EVI5L: variants seen among roughly 807,000 people sequenced by gnomAD.
EVI5L encodes the protein EVI5-like protein.
In EVI5L, 30 loss-of-function variants were observed where a neutral mutation model predicts 106.1. That is an observed-to-expected ratio of 0.28 (90% CI 0.21 to 0.38). EVI5L has a LOEUF of 0.38. EVI5L is among the 10% of genes least tolerant of loss of function. The pLI, the probability that EVI5L is intolerant of heterozygous loss-of-function variation, is 1.00. For missense variants in EVI5L, 809 were observed against 1,098.0 expected (o/e 0.74, Z 3.72); for synonymous variants, 489 against 483.3 (o/e 1.01, Z -0.15).
Position 7,845,954 on chromosome 19 carries a change from C to T in EVI5L, c.-47-542C>T, listed in dbSNP as rs994977693. The stretch of plus-strand genomic sequence containing the variant: ...TCTTCTGGCCATTGGCAGCGCCAGA[C>T]AATTAACAGTCGAAAGTAATTGCTC... On this transcript the variant is annotated intron_variant, in intron 1 of 19. Coordinates refer to ENST00000538904, the MANE Select transcript of EVI5L (RefSeq NM_001159944.3). The surrounding 1 kb of genome is among the most constrained non-coding windows in gnomAD (Gnocchi z 4.0). Among the ~76,000 whole-genome samples the T allele has an allele frequency of 6.6e-6, 1 of 152,240 alleles. No individual in the cohort carries two copies. Among genetic ancestry groups the T allele is most frequent in the Admixed American group, 6.5e-5 (1 of 15,280 alleles).
At position 7,848,970 on chromosome 19, in the gene EVI5L, A is replaced by C; in HGVS notation, c.377A>C (p.Gln126Pro). The C allele has an allele frequency of 6.2e-7, 1 of 1,613,324 alleles. No individual in the cohort carries two copies. Among genetic ancestry groups the C allele is most frequent in the Non-Finnish European group, 8.5e-7 (1 of 1,179,854 alleles). Residue 126 changes from glutamine to proline, a missense_variant, in exon 4 of 20, where the codon CAG (glutamine) becomes CCG (proline). Physicochemically the swap from Gln to Pro is moderately conservative, Grantham distance 76 (BLOSUM62 -1). Transcript: ENST00000538904. The surrounding 1 kb of genome is among the most constrained non-coding windows in gnomAD (Gnocchi z 4.8). Reference protein sequence around the residue: ...IPHHFRAIVWQLLCSATDMPV... With the variant: ...IPHHFRAIVWPLLCSATDMPV... ...CACCACTTCCGGGCCATCGTGTGGC[A>C]GCTTCTGTGCAGCGCCACGGACATG...
chr19:7,851,616 T>C (rs369923807), intron 7 of EVI5L, 39 bp downstream of exon 7: 28 of 1,599,444 alleles, frequency 1.8e-5, no homozygotes, highest in Non-Finnish European at 2.2e-5. Flanking sequence ...AGAGAGCCCC[T>C]TGGGGGTGGT....
At position 7,849,386 on chromosome 19, in the gene EVI5L, G is replaced by A. The variant is rs979072993; in HGVS notation, c.627+56G>A. 32 of 1,586,938 alleles carry A rather than the reference G, an allele frequency of 2.0e-5. No homozygotes were observed. The East Asian group carries it at 6.0e-4, about 30-fold the overall frequency. ...CCAGACAACAGCCCACCCTGGGCTC[G>A]GCCCCCAAGAGATGGACAGAAGTGG... On this transcript the variant is annotated intron_variant, in intron 5 of 19. Transcript: ENST00000538904.
In EVI5L at chr19:7,849,310, G is replaced by T. The variant is rs761500327; in HGVS notation, c.607G>T (p.Val203Leu). ...VGYCQGSAFI[V>L]GLLLMQMPEE... ...CTACTGCCAGGGAAGCGCCTTCATC[G>T]TGGGCCTGCTCCTCATGCAGGTAGG... The change falls in exon 5 of 20, where the codon GTG becomes TTG. Residue 203 changes from valine to leucine, a missense_variant. Val to Leu is a conservative substitution (Grantham distance 32). Coordinates refer to ENST00000538904, the MANE Select transcript of EVI5L (RefSeq NM_001159944.3). 6.2e-7 allele frequency: 1 copy of T among 1,614,158 alleles called. No homozygotes were observed. The highest frequency in any genetic ancestry group is 2.2e-5 in the East Asian group (1 of 44,886).
chr19:7,846,644 G>A lies in EVI5L; in HGVS notation c.102G>A (p.Glu34=). Reference sequence around the variant, plus strand: ...ACTCCGAGAACCTCAGCCCCGATGAGCTGGAGCTGCTGGCCAAGCTCGAAG... The same window carrying A: ...ACTCCGAGAACCTCAGCCCCGATGAACTGGAGCTGCTGGCCAAGCTCGAAG... ...TSDSENLSPD[E]LELLAKLEEQ... is the part of the protein sequence containing the mutation. Residue 34 remains glutamate (E), a synonymous_variant, in exon 2 of 20, where the codon GAG becomes GAA. Transcript: ENST00000538904. 1.2e-6 allele frequency: 2 copies of A among 1,613,582 alleles called. No individual in the cohort carries two copies. Among genetic ancestry groups the A allele is most frequent in the Non-Finnish European group, 1.7e-6 (2 of 1,179,898 alleles).
In EVI5L at chr19:7,836,715, C is replaced by T. The variant is rs137868266; in HGVS notation, c.-48+6334C>T. ...GTGCAGTGGCGTAATTTCAGCTCAC[C>T]GCAACCTCTGCCTCCTGGGTTCAGC... On this transcript the variant is annotated intron_variant, in intron 1 of 19. Coordinates refer to ENST00000538904, the MANE Select transcript of EVI5L (RefSeq NM_001159944.3). 5.5e-3 allele frequency among the ~76,000 whole-genome samples: 832 copies of T among 151,836 alleles called. 9 individuals carry two copies. The highest frequency in any genetic ancestry group is 0.019 in the African/African-American group (784 of 41,412).
At chr19:7,842,771 A>AGT (rs140257505) in intron 1 of EVI5L, among the ~76,000 whole-genome samples, 111,012 of 151,494 alleles carry the variant, frequency 0.73, 41,064 homozygotes, top group South Asian at 0.82. Flanking sequence ...TGTGTATATG[A>AGT]GTGTGCGTGC....
chr19:7,845,074 T>C lies in EVI5L; in HGVS notation c.-47-1422T>C. Among the ~76,000 whole-genome samples, 1 of 152,110 alleles carries C rather than the reference T, an allele frequency of 6.6e-6. No individual in the cohort carries two copies. Among genetic ancestry groups the C allele is most frequent in the African/African-American group, 2.4e-5 (1 of 41,488 alleles). On this transcript the variant is annotated intron_variant, in intron 1 of 19. Transcript: ENST00000538904. This position sits in a 1 kb window ranked among gnomAD's most constrained non-coding sequence, Gnocchi z 4.0. ...TCCCCCTGCTGCCTGGGGATCCAGA[T>C]ATCCCCACTCCAAGGACCCAGCGAG...
In EVI5L at chr19:7,857,199, A is replaced by G. The variant is rs898077592; in HGVS notation, c.1233+75A>G. 11 of 1,531,348 alleles carry G rather than the reference A, an allele frequency of 7.2e-6. No individual in the cohort carries two copies. Among genetic ancestry groups the G allele is most frequent in the Non-Finnish European group, 9.7e-6 (11 of 1,130,480 alleles). 94.9% of individuals were successfully genotyped at this position (1,531,348 alleles called of 1,614,324 possible). The stretch of plus-strand genomic sequence containing the variant: ...TGCACCCTGCACATGACAGCCAGTA[A>G]CCGCCTCTTCCCTGCCATTCTGCGG... On this transcript the variant is annotated intron_variant, in intron 12 of 19. Coordinates refer to ENST00000538904, the MANE Select transcript of EVI5L (RefSeq NM_001159944.3). This position sits in a 1 kb window ranked among gnomAD's most constrained non-coding sequence, Gnocchi z 4.5.
At chr19:7,860,101 T>G (rs1432408113) in intron 13 of EVI5L, among the ~76,000 whole-genome samples, 3 of 152,092 alleles carry the variant, frequency 2.0e-5, no homozygotes, top group Admixed American at 1.3e-4. Context: ...ACCCACAAAC[T>G]CTTTCCTCAT....
At chr19:7,862,906 G>A in intron 17 of EVI5L, 66 bp from the exon 18 acceptor site, 1 of 1,226,410 alleles carries the variant, frequency 8.2e-7, no homozygotes, top group Admixed American at 2.2e-5. Context: ...CCTGCCCGCG[G>A]TCCCGCCCCC....
Position 7,847,861 on chromosome 19 carries a change from G to T in EVI5L, c.267G>T (p.Leu89=). 1 of 1,601,934 alleles carries T rather than the reference G, an allele frequency of 6.2e-7. No homozygotes were observed. Among genetic ancestry groups the T allele is most frequent in the South Asian group, 1.1e-5 (1 of 89,336 alleles). Residue 89 remains leucine, a synonymous_variant, in exon 3 of 20, where the codon CTG becomes CTT. Coordinates refer to ENST00000538904, the MANE Select transcript of EVI5L (RefSeq NM_001159944.3). ...ACCTGGAGGAGGACACGTGGATCCT[G>T]TGGGGCCGGATCGCCAACGAGTGGG... ...LSHLEEDTWI[L]WGRIANEWEE... is the part of the protein sequence containing the mutation.
At chr19:7,846,352 G>T in intron 1 of EVI5L, 144 bp from the exon 2 acceptor site, 1 of 667,356 alleles carries the variant, frequency 1.5e-6, no homozygotes, top group East Asian at 3.1e-5. Context: ...TGTCAGCTGG[G>T]CTGGGGCGCA....
At chr19:7,849,373 C>T (rs1291843519) in intron 5 of EVI5L, 43 bp downstream of exon 5, 1 of 1,606,292 alleles carries the variant, frequency 6.2e-7, no homozygotes, top group Admixed American at 1.7e-5. Flanking sequence ...AGACAACAGC[C>T]CACCCTGGGC....
intron 10 of EVI5L, chr19:7,853,762 A>C (rs1568241175): frequency 4.0e-6 from 1 of 252,570 alleles, no homozygotes; most frequent in Non-Finnish European, 7.9e-6. Context: ...AGAAGGTTGC[A>C]GTGGAGGACC....
rs1031436850 is a variant in EVI5L, at chr19:7,848,607, A to G, written c.328-314A>G. On this transcript the variant is annotated intron_variant, in intron 3 of 19. Transcript: ENST00000538904. This position sits in a 1 kb window ranked among gnomAD's most constrained non-coding sequence, Gnocchi z 4.8. ...AGTGAGACTCCATCTCAAAAAAAAA[A>G]AAAGTTTAAAAATTAGCCAGGCGTG... 2.6e-5 allele frequency among the ~76,000 whole-genome samples: 4 copies of G among 151,946 alleles called. No homozygotes were observed. Among genetic ancestry groups the G allele is most frequent in the African/African-American group, 9.7e-5 (4 of 41,364 alleles).
In EVI5L at chr19:7,846,635, C is replaced by A. The variant is rs1978964779; in HGVS notation, c.93C>A (p.Ser31Arg). Residue 31 changes from serine (S) to arginine (R), a missense_variant, in exon 2 of 20, where the codon AGC (serine) becomes AGA (arginine). Transcript: ENST00000538904. ...CSPTSDSENL[S>R]PDELELLAKL... ...CAACCTCTGACTCCGAGAACCTCAG[C>A]CCCGATGAGCTGGAGCTGCTGGCCA... The A allele has an allele frequency of 6.2e-7, 1 of 1,613,636 alleles. No homozygotes were observed. The highest frequency in any genetic ancestry group is 1.3e-5 in the African/African-American group (1 of 74,922).
At chr19:7,842,155 G>C (rs1029024227) in intron 1 of EVI5L, among the ~76,000 whole-genome samples, 3 of 151,918 alleles carry the variant, frequency 2.0e-5, no homozygotes, top group Non-Finnish European at 4.4e-5. Flanking sequence ...ATGTGTATGA[G>C]GTGTGTACTG....
At chr19:7,841,351 G>T (rs1208130148) in intron 1 of EVI5L, among the ~76,000 whole-genome samples, 1 of 152,140 alleles carries the variant, frequency 6.6e-6, no homozygotes, top group Non-Finnish European at 1.5e-5. Context: ...CCACGTGGGA[G>T]AATGAGAAGT....
Sources: allele counts gnomAD v4.1 joint callset (sites outside exome capture counted in the v4.1 genomes callset), GRCh38; gene constraint gnomAD v4.1.1; non-coding constraint Gnocchi (gnomAD v3.1); transcripts MANE v1.5; gene names NCBI Gene and HGNC (gene_info 2026-07-23, HGNC 2026-07-21).